The following CR1 variants were observed in gnomAD, a reference collection of about 807,000 sequenced individuals.
CR1 encodes complement C3b/C4b receptor 1 (Knops blood group).
In CR1, 116 loss-of-function variants were observed where a neutral mutation model predicts 187.3. The observed-to-expected ratio is 0.62, with a 90% CI of 0.53 to 0.72. The LOEUF is 0.72. Ranked by LOEUF, CR1 falls within the 30% of genes least tolerant of loss-of-function variation. The pLI is 0.00. For missense variants in CR1, 1,731 were observed against 2,110.7 expected (o/e 0.82, Z 3.52); for synonymous variants, 576 against 747.1 (o/e 0.77, Z 3.73).
intron 46 of CR1, among the ~76,000 whole-genome samples, chr1:207,634,172 G>T (rs1024920826): frequency 2.0e-5 from 3 of 152,136 alleles, no homozygotes; most frequent in African/African-American, 7.2e-5. Flanking sequence ...GGGATGCGAT[G>T]GCTTGGCTTG....
intron 1 of CR1, among the ~76,000 whole-genome samples, chr1:207,500,170 G>A (rs115850565): frequency 1.4e-4 from 21 of 152,234 alleles, no homozygotes; most frequent in South Asian, 6.2e-4. Flanking sequence ...TTTTTGTCCC[G>A]TTAGATGTTA....
intron 4 of CR1, among the ~76,000 whole-genome samples, chr1:207,512,259 G>T (rs1447907292): frequency 6.6e-6 from 1 of 152,100 alleles, no homozygotes; most frequent in Non-Finnish European, 1.5e-5. Flanking sequence ...CTACTAGTAG[G>T]AAAAAGATGT....
chr1:207,502,868 TC>T (rs1209590101), intron 1 of CR1, among the ~76,000 whole-genome samples: 2 of 152,110 alleles, frequency 1.3e-5, no homozygotes, highest in African/African-American at 4.8e-5. Flanking sequence ...ATGATGGAGC[TC>T]ATGAGATGCA....
intron 46 of CR1, among the ~76,000 whole-genome samples, chr1:207,636,122 G>A (rs532625276): frequency 2.0e-5 from 3 of 151,826 alleles, no homozygotes; most frequent in East Asian, 3.9e-4. Flanking sequence ...GCTGTTTCTC[G>A]ATGGTTGCTG....
chr1:207,613,144 T>C (rs896647800), intron 39 of CR1, among the ~76,000 whole-genome samples: 1 of 152,062 alleles, frequency 6.6e-6, no homozygotes, highest in South Asian at 2.1e-4. Context: ...AAGAACAAGG[T>C]TATACTGACA....
At chr1:207,566,097 C>G (rs1344359703) in intron 24 of CR1, among the ~76,000 whole-genome samples, 174 bp downstream of exon 24, 3 of 150,328 alleles carry the variant, frequency 2.0e-5, no homozygotes, top group Admixed American at 6.6e-5. Context: ...CCTGTCTTTG[C>G]AACCATCTGA....
chr1:207,607,829 G>A (rs746003447), intron 36 of CR1, among the ~76,000 whole-genome samples: 1 of 151,944 alleles, frequency 6.6e-6, no homozygotes, highest in Non-Finnish European at 1.5e-5. Context: ...ATTTGTTCTC[G>A]ATTAGCTGAC....
chr1:207,573,791 T>C (rs1660649850), intron 27 of CR1, among the ~76,000 whole-genome samples: 1 of 151,412 alleles, frequency 6.6e-6, no homozygotes, highest in South Asian at 2.1e-4. Context: ...AAGCAAAGAG[T>C]AAGAAGAGTT....
intron 1 of CR1, among the ~76,000 whole-genome samples, chr1:207,501,338 G>T (rs1355971468): frequency 6.6e-6 from 1 of 152,142 alleles, no homozygotes; most frequent in Admixed American, 6.5e-5. Context: ...GTTTCACAAC[G>T]CATACATATG....
chr1:207,499,426 T>C (rs1357423758), intron 1 of CR1, among the ~76,000 whole-genome samples: 1 of 152,242 alleles, frequency 6.6e-6, no homozygotes, highest in Admixed American at 6.5e-5. Context: ...CTATGATATC[T>C]TTCTGATATC....
At chr1:207,586,777 A>AT (rs1020214958) in intron 33 of CR1, among the ~76,000 whole-genome samples, 4 of 152,128 alleles carry the variant, frequency 2.6e-5, no homozygotes, top group African/African-American at 9.7e-5. Context: ...TTTTTCCCTG[A>AT]TAGGGACACC....
rs559726123 is a variant in CR1 at position 207,585,619 on chromosome 1, C to T, written c.5530+743C>T. On this transcript the variant is annotated intron_variant, in intron 33 of 46. Coordinates refer to ENST00000367049, the MANE Select transcript of CR1 (RefSeq NM_000651.6). ...CACCAGCCTTGGAATATTCCATTAT[C>T]CACAGGGAAGCCCTGAGAGACAAGA... is the stretch of plus-strand genomic sequence containing the variant. Among the ~76,000 whole-genome samples the T allele has an allele frequency of 3.9e-5, 6 of 152,304 alleles. No homozygotes were observed. In the East Asian group the frequency reaches 5.8e-4, roughly 15 times the overall value.
chr1:207,623,361 C>A (rs1201059556), intron 45 of CR1, among the ~76,000 whole-genome samples: 3 of 152,112 alleles, frequency 2.0e-5, no homozygotes, highest in Non-Finnish European at 4.4e-5. Context: ...GTGGGCAGAT[C>A]ACTAGAGGCC....
intron 35 of CR1, 26 bp downstream of exon 35, chr1:207,588,800 A>G (rs1174844137): frequency 6.6e-7 from 1 of 1,508,068 alleles, no homozygotes; most frequent in East Asian, 2.3e-5. Context: ...CATCTCTTGA[A>G]TATGAGTTCC....
At chr1:207,620,362 A>G (rs1392111894) in intron 43 of CR1, among the ~76,000 whole-genome samples, 2 of 152,220 alleles carry the variant, frequency 1.3e-5, no homozygotes, top group Non-Finnish European at 2.9e-5. Flanking sequence ...TGTTTTCAGC[A>G]TGAGTTAGGG....
chr1:207,505,020 A>C (rs1471577140), intron 1 of CR1, among the ~76,000 whole-genome samples: 1 of 152,202 alleles, frequency 6.6e-6, no homozygotes, highest in Non-Finnish European at 1.5e-5. Flanking sequence ...GAATCTAATG[A>C]CTGATGATCT....
intron 24 of CR1, among the ~76,000 whole-genome samples, chr1:207,567,265 GTTTTTTT>G (rs199637674): frequency 3.6e-5 from 5 of 138,098 alleles, no homozygotes; most frequent in Non-Finnish European, 3.1e-5. Flanking sequence ...TCCATTTGGA[GTTTTTTT>G]TTTTTTTTTA....
Position 207,633,243 on chromosome 1 carries a change from A to G in CR1, c.7457+2622A>G, listed in dbSNP as rs1662705656. ...TTTGAAACTCACATTTCCTGACTAC[A>G]CCATTTAAAAAATAAACTAATTTAT... On this transcript the variant is annotated intron_variant, in intron 46 of 46. Coordinates refer to ENST00000367049, the MANE Select transcript of CR1 (RefSeq NM_000651.6). Among the ~76,000 whole-genome samples, 4 of 152,202 alleles carry G rather than the reference A, an allele frequency of 2.6e-5. No individual in the cohort carries two copies. The South Asian group carries it at 8.3e-4, about 32-fold the overall frequency.
At chr1:207,598,317 A>C (rs1661505853) in intron 35 of CR1, among the ~76,000 whole-genome samples, 1 of 152,220 alleles carries the variant, frequency 6.6e-6, no homozygotes, top group African/African-American at 2.4e-5. Context: ...AGAAAAAAAC[A>C]GATAACAGTA....
Sources: gnomAD v4.1 joint callset for allele counts (sites outside exome capture counted in the v4.1 genomes callset) on GRCh38, gnomAD v4.1.1 for gene constraint, MANE v1.5 for transcripts, NCBI Gene and HGNC (gene_info 2026-07-23, HGNC 2026-07-21) for gene names.